Variants in TAX1BP1 observed in about 807,000 individuals in gnomAD.
TAX1BP1 encodes the protein Tax1 binding protein 1, also known as tax1-binding protein 1.
In TAX1BP1, 62 loss-of-function variants were observed where a neutral mutation model predicts 97.7. That is an observed-to-expected ratio of 0.63 (90% CI 0.52 to 0.78). The LOEUF (loss-of-function observed/expected upper bound fraction) is 0.78, where lower values mean the gene tolerates loss of function less well. TAX1BP1 is among the 30% of genes least tolerant of loss of function. The pLI is 0.00. For missense variants in TAX1BP1, 867 were observed against 916.1 expected, an observed-to-expected ratio of 0.95 and a Z score of 0.69; for synonymous variants, 340 against 304.2, an observed-to-expected ratio of 1.12 and a Z score of -1.23.
At chr7:27,815,710 T>G (rs1483169386) in intron 13 of TAX1BP1, among the ~76,000 whole-genome samples, 1 of 152,196 alleles carries the variant, frequency 6.6e-6, no homozygotes, top group East Asian at 1.9e-4. Flanking sequence ...AAAAAAATCT[T>G]AAGTGATAGA....
chr7:27,783,296 T>A (rs1364225231), intron 5 of TAX1BP1, among the ~76,000 whole-genome samples: 1 of 152,208 alleles, frequency 6.6e-6, no homozygotes, highest in Non-Finnish European at 1.5e-5. Context: ...AAAGTTAATT[T>A]TTGAAAGCAT....
At chr7:27,795,051 G>A (rs1789868846) in intron 11 of TAX1BP1, among the ~76,000 whole-genome samples, 2 of 152,072 alleles carry the variant, frequency 1.3e-5, no homozygotes, top group Admixed American at 6.5e-5. Flanking sequence ...CATCTGTCCT[G>A]ATTTTTTCAC....
chr7:27,803,567 T>C (rs1012150965), intron 13 of TAX1BP1, among the ~76,000 whole-genome samples: 2 of 152,232 alleles, frequency 1.3e-5, no homozygotes, highest in Admixed American at 1.3e-4. Context: ...GCTGTGACAT[T>C]TGCACTGTGT....
chr7:27,742,438 C>T (rs1787654904), intron 1 of TAX1BP1, among the ~76,000 whole-genome samples: 1 of 152,172 alleles, frequency 6.6e-6, no homozygotes. Context: ...ACCCTTAATC[C>T]GTTTAACCGT....
intron 7 of TAX1BP1, 33 bp downstream of exon 7, chr7:27,785,522 T>C: frequency 6.4e-7 from 1 of 1,558,224 alleles, no homozygotes. Context: ...TATTGCCTGT[T>C]GCTTCAAAAG....
chr7:27,771,237 A>G (rs1191239983), intron 5 of TAX1BP1, among the ~76,000 whole-genome samples: 1 of 149,080 alleles, frequency 6.7e-6, no homozygotes, highest in African/African-American at 2.5e-5. Flanking sequence ...GTAGTTTTCC[A>G]AAGTTTAATG....
intron 13 of TAX1BP1, among the ~76,000 whole-genome samples, chr7:27,807,050 G>T (rs1282567707): frequency 1.3e-5 from 2 of 151,920 alleles, no homozygotes; most frequent in Non-Finnish European, 2.9e-5. Flanking sequence ...GTTGTAACTG[G>T]TTATTGTTTT....
At chr7:27,826,225 C>T (rs970917524) in intron 15 of TAX1BP1, among the ~76,000 whole-genome samples, 8 of 152,228 alleles carry the variant, frequency 5.3e-5, no homozygotes, top group African/African-American at 1.2e-4. Context: ...ATAAAGTATT[C>T]GTGTTTTATC....
intron 1 of TAX1BP1, among the ~76,000 whole-genome samples, chr7:27,741,096 AGT>A (rs1562690396): frequency 6.6e-6 from 1 of 152,244 alleles, no homozygotes; most frequent in Non-Finnish European, 1.5e-5. Flanking sequence ...AGACATACAC[AGT>A]GTTAGATTTC....
In TAX1BP1 at chr7:27,806,905, G is replaced by A. The variant is rs138792848; in HGVS notation, c.1764+6815G>A. On this transcript the variant is annotated intron_variant, in intron 13 of 16. Transcript: ENST00000396319. ...AAGAACAGGCAATATGGGATGTTTT[G>A]TTCAAATCTGTTTTGTGTCTTTCAG... Among the ~76,000 whole-genome samples, 6 of 152,160 alleles carry A rather than the reference G, an allele frequency of 3.9e-5. No homozygotes were observed. In the East Asian group the frequency reaches 1.2e-3, roughly 29 times the overall value.
At chr7:27,783,797 CCT>C (rs1268287363) in intron 5 of TAX1BP1, among the ~76,000 whole-genome samples, 1 of 152,226 alleles carries the variant, frequency 6.6e-6, no homozygotes, top group Admixed American at 6.5e-5. Context: ...TATTTAGAAA[CCT>C]CTCTGGCCAT....
chr7:27,785,928 G>A (rs1456813300), intron 7 of TAX1BP1, among the ~76,000 whole-genome samples: 3 of 151,848 alleles, frequency 2.0e-5, no homozygotes, highest in Non-Finnish European at 4.4e-5. Context: ...AAGTTGAAGA[G>A]GTTTAATGGA....
intron 10 of TAX1BP1, among the ~76,000 whole-genome samples, chr7:27,793,430 A>G (rs954882198): frequency 1.2e-4 from 18 of 152,184 alleles, no homozygotes; most frequent in Admixed American, 1.2e-3. Flanking sequence ...TAGCAAGGAA[A>G]AAACAGAAAA....
At chr7:27,768,325 AAATTTTAACTAT>A (rs1235511731) in intron 4 of TAX1BP1, among the ~76,000 whole-genome samples, 1 of 152,018 alleles carries the variant, frequency 6.6e-6, no homozygotes, top group Non-Finnish European at 1.5e-5. Flanking sequence ...GATCATTGTA[AAATTTTAACTAT>A]TTTGTATGCT....
At chr7:27,800,731 T>A (rs1292617924) in intron 13 of TAX1BP1, among the ~76,000 whole-genome samples, 2 of 152,182 alleles carry the variant, frequency 1.3e-5, no homozygotes, top group Non-Finnish European at 2.9e-5. Flanking sequence ...GCAAGTGATG[T>A]AATCTTAACT....
At chr7:27,795,254 G>C (rs1229596116) in intron 11 of TAX1BP1, among the ~76,000 whole-genome samples, 3 of 152,100 alleles carry the variant, frequency 2.0e-5, no homozygotes, top group African/African-American at 7.2e-5. Context: ...CTAAAATGGT[G>C]TTATAGGGTA....
intron 3 of TAX1BP1, among the ~76,000 whole-genome samples, chr7:27,758,931 T>A (rs1463651605): frequency 6.6e-6 from 1 of 152,132 alleles, no homozygotes; most frequent in Non-Finnish European, 1.5e-5. Context: ...CATTGAACTA[T>A]ACACTTTAAA....
Position 27,828,864 on chromosome 7 carries a change from TA to T in TAX1BP1, c.*52del, listed in dbSNP as rs34270007. 0.099 allele frequency: 96,034 copies of T among 967,944 alleles called. No individual in the cohort carries two copies. The highest frequency in any genetic ancestry group is 0.14 in the East Asian group (4,986 of 34,656). The allele number at this position is 967,944 out of a possible 1,614,324, so 60.0% of individuals were successfully genotyped here. ...ATTATGAGTTAATATAGTTTAGCAG[TA>T]AAAAAAAAAAAAAAAACCACACCTA... On this transcript the variant is annotated 3_prime_UTR_variant, in exon 17 of 17. Coordinates refer to ENST00000396319, the MANE Select transcript of TAX1BP1 (RefSeq NM_006024.7).
upstream of TAX1BP1, chr7:27,739,691 G>A (rs980637087): frequency 6.6e-6 from 1 of 152,158 alleles, no homozygotes; most frequent in African/African-American, 2.4e-5. Flanking sequence ...GACTGGGCCA[G>A]GAGTTCAGAG....
Sources: allele counts gnomAD v4.1 joint callset (sites outside exome capture counted in the v4.1 genomes callset), GRCh38; gene constraint gnomAD v4.1.1; transcripts MANE v1.5; gene names NCBI Gene and HGNC (gene_info 2026-07-23, HGNC 2026-07-21).